TFAP2A: variants seen among roughly 807,000 people sequenced by gnomAD.
TFAP2A encodes the protein transcription factor AP-2-alpha.
In TFAP2A, 7 loss-of-function variants were observed where a neutral mutation model predicts 41.5. That is an observed-to-expected ratio of 0.17 (90% CI 0.10 to 0.32). The LOEUF is 0.32. Ranked by LOEUF, TFAP2A falls within the 10% of genes least tolerant of loss-of-function variation. The pLI, the probability that TFAP2A is intolerant of heterozygous loss-of-function variation, is 1.00. For synonymous variants in TFAP2A, 247 were observed against 242.8 expected (o/e 1.02, Z -0.16); for missense variants, 416 against 563.3 (o/e 0.74, Z 2.65).
At chr6:10,417,526 A>G (rs1386746705), upstream of TFAP2A, among the ~76,000 whole-genome samples, 1 of 152,242 alleles carries the variant, frequency 6.6e-6, no homozygotes, top group Non-Finnish European at 1.5e-5. Context: ...CGGCGGGGCC[A>G]GAACCCCGGG....
Position 10,397,874 on chromosome 6 carries a change from T to G in TFAP2A, c.*543A>C, listed in dbSNP as rs917285027. 1.0e-6 allele frequency: 1 copy of G among 988,196 alleles called. No individual in the cohort carries two copies. The highest frequency in any genetic ancestry group is 6.0e-5 in the Admixed American group (1 of 16,646). 61.2% of individuals were successfully genotyped at this position (988,196 alleles called of 1,614,324 possible). Reference sequence around the variant, plus strand: ...AACTTCGTGTATTTGTGTTCAAGTTTATTCACAATACTGATAAAAATGTTG... The same window carrying G: ...AACTTCGTGTATTTGTGTTCAAGTTGATTCACAATACTGATAAAAATGTTG... On this transcript the variant is annotated 3_prime_UTR_variant, in exon 7 of 7. Coordinates refer to ENST00000379613, the MANE Select transcript of TFAP2A (RefSeq NM_001372066.1).
chr6:10,414,399 G>A (rs1181164984), intron 1 of TFAP2A, among the ~76,000 whole-genome samples: 2 of 152,192 alleles, frequency 1.3e-5, no homozygotes, highest in African/African-American at 4.8e-5. Flanking sequence ...TCACAGCGAA[G>A]TGTGGGGGGG....
intron 5 of TFAP2A, chr6:10,402,263 G>A (rs1056150331): frequency 3.2e-6 from 2 of 618,642 alleles, no homozygotes; most frequent in Non-Finnish European, 6.2e-6. Flanking sequence ...GAATTAGGCT[G>A]GGGAGGTGTA....
intron 1 of TFAP2A, 122 bp from the exon 2 acceptor site, chr6:10,410,457 G>A (rs1021299943): frequency 1.0e-6 from 1 of 958,392 alleles, no homozygotes; most frequent in East Asian, 2.6e-5. Flanking sequence ...GCTGGCCGCC[G>A]GGAAAAAATC....
At chr6:10,405,787 G>A (rs936965073) in intron 3 of TFAP2A, 1 of 152,212 alleles carries the variant, frequency 6.6e-6, no homozygotes, top group African/African-American at 2.4e-5. Context: ...GGTATAGGGA[G>A]GTGGGGGGCT....
chr6:10,417,919 A>T (rs912096572), upstream of TFAP2A, among the ~76,000 whole-genome samples: 5 of 152,206 alleles, frequency 3.3e-5, no homozygotes, highest in African/African-American at 1.2e-4. Context: ...CCCAGGCCAA[A>T]CCTACTCAAC....
At chr6:10,415,361 C>T, upstream of TFAP2A, 1 of 1,051,412 alleles carries the variant, frequency 9.5e-7, no homozygotes, top group Non-Finnish European at 1.2e-6. Context: ...CACAATCTGC[C>T]GCCGGCCGCT....
chr6:10,405,385 T>A (rs1399778466), intron 3 of TFAP2A: 1 of 152,218 alleles, frequency 6.6e-6, no homozygotes, highest in Non-Finnish European at 1.5e-5. Flanking sequence ...CGTCTCAGTT[T>A]TGGAGATCCA....
Position 10,404,726 on chromosome 6 carries a change from C to T in TFAP2A, c.552G>A (p.Leu184=), listed in dbSNP as rs1041684112. 1 of 1,614,170 alleles carries T rather than the reference C, an allele frequency of 6.2e-7. No homozygotes were observed. The highest frequency in any genetic ancestry group is 1.3e-5 in the African/African-American group (1 of 75,064). ...QTVIKKGPVS[L]SKSNSNAVSA... ...AGACGGCATTGCTGTTGGACTTGGA[C>T]AGGGACACGGGGCCTGCGGAGACAG... is the stretch of plus-strand genomic sequence containing the variant. The change falls in exon 4 of 7, where the codon CTG becomes CTA. Residue 184 remains leucine (L), a synonymous_variant. Coordinates refer to ENST00000379613, the MANE Select transcript of TFAP2A (RefSeq NM_001372066.1).
chr6:10,401,152 A>G (rs918281737), intron 5 of TFAP2A, among the ~76,000 whole-genome samples: 9 of 152,324 alleles, frequency 5.9e-5, no homozygotes, highest in African/African-American at 1.9e-4. Flanking sequence ...CATTAGCTCC[A>G]GCTCCGGAAG....
In TFAP2A at chr6:10,398,576, G is replaced by A; in HGVS notation, c.1161C>T (p.Gly387=). The change falls in exon 7 of 7, where the codon GGC becomes GGT. Residue 387 remains glycine (G), a synonymous_variant. Coordinates refer to ENST00000379613, the MANE Select transcript of TFAP2A (RefSeq NM_001372066.1). The surrounding 1 kb of genome is among the most constrained non-coding windows in gnomAD (Gnocchi z 5.3). The part of the protein sequence containing the change: ...CLTHFNLISH[G]FGSPAVCAAV... ...CGGCACACACCGCGGGGCTGCCGAA[G>A]CCGTGGGAGATGAGGTTGAAGTGGG... 6.2e-7 allele frequency: 1 copy of A among 1,614,258 alleles called. No individual in the cohort carries two copies.
chr6:10,407,239 A>T, intron 2 of TFAP2A: 1 of 266,616 alleles, frequency 3.8e-6, no homozygotes, highest in Non-Finnish European at 7.3e-6. Context: ...TCAGGCAGCG[A>T]AAGCCAGGGA....
intron 4 of TFAP2A, among the ~76,000 whole-genome samples, chr6:10,403,764 A>G (rs1330867448): frequency 6.6e-6 from 1 of 152,176 alleles, no homozygotes; most frequent in African/African-American, 2.4e-5. Context: ...TACTAAATGA[A>G]TCACTCAAAC....
In TFAP2A at chr6:10,406,856, G is replaced by A; in HGVS notation, c.487-12C>T. On this transcript the variant is annotated splice_polypyrimidine_tract_variant and intron_variant, in intron 2 of 6. Coordinates refer to ENST00000379613, the MANE Select transcript of TFAP2A (RefSeq NM_001372066.1). ...GGGTCTTCTACATGCTGCAACAAAAGGATACACATGGATGTAAGTGTATCA... is the reference window on the plus strand; with the variant it reads ...GGGTCTTCTACATGCTGCAACAAAAAGATACACATGGATGTAAGTGTATCA... The A allele has an allele frequency of 6.2e-7, 1 of 1,601,162 alleles. No homozygotes were observed. The highest frequency in any genetic ancestry group is 1.7e-5 in the Admixed American group (1 of 60,016).
At chr6:10,416,437 AAAAAG>A (rs1033388163), upstream of TFAP2A, 1 of 151,658 alleles carries the variant, frequency 6.6e-6, no homozygotes, top group African/African-American at 2.4e-5. Flanking sequence ...AAGAAAAAAA[AAAAAG>A]AAAAGGACCT....
rs3834293 is a variant in TFAP2A, at chr6:10,414,464, AGAATGAAT to A, written c.51+469_51+476del. On this transcript the variant is annotated intron_variant, in intron 1 of 6. Transcript: ENST00000379613. ...TTAGAAGTGGGGGTGGGGGGAAGAA[AGAATGAAT>A]GAATGAATGAATGAATGAATAGAAA... 2.4e-3 allele frequency: 642 copies of A among 266,972 alleles called. 1 individual carries two copies. The highest frequency in any genetic ancestry group is 6.7e-3 in the African/African-American group (298 of 44,484). 16.5% of individuals were successfully genotyped at this position (266,972 alleles called of 1,614,324 possible).
chr6:10,404,414 C>A, intron 4 of TFAP2A, 94 bp downstream of exon 4: 1 of 888,364 alleles, frequency 1.1e-6, no homozygotes, highest in South Asian at 3.6e-5. Context: ...GGCCGCGGCG[C>A]GAGGCCTGTT....
At chr6:10,412,296 T>A (rs1475725466) in intron 1 of TFAP2A, 2 of 983,428 alleles carry the variant, frequency 2.0e-6, no homozygotes, top group Non-Finnish European at 2.4e-6. Context: ...TTGCAGGGCA[T>A]GCAAAAGTGA....
At chr6:10,401,933 A>G (rs1003857533) in intron 5 of TFAP2A, 1 of 241,236 alleles carries the variant, frequency 4.1e-6, no homozygotes, top group Non-Finnish European at 8.1e-6. Context: ...TGCAATGCTT[A>G]TATTTATCTT....
Sources: gnomAD v4.1 joint callset for allele counts (sites outside exome capture counted in the v4.1 genomes callset) on GRCh38, gnomAD v4.1.1 for gene constraint, Gnocchi (gnomAD v3.1) non-coding constraint, MANE v1.5 for transcripts, NCBI Gene and HGNC (gene_info 2026-07-23, HGNC 2026-07-21) for gene names.